The following ALOX15 variants were observed in gnomAD, a reference collection of about 807,000 sequenced individuals.
ALOX15 encodes the protein arachidonate 15-lipoxygenase, also known as polyunsaturated fatty acid lipoxygenase ALOX15.
Under a neutral mutation model 71.7 loss-of-function variants are expected in ALOX15, and 68 were observed. The observed-to-expected ratio is 0.95, with a 90% CI of 0.78 to 1.16. The LOEUF (loss-of-function observed/expected upper bound fraction) is 1.16, where lower values mean the gene tolerates loss of function less well. Ranked by LOEUF, ALOX15 falls within the 50% of genes most tolerant of loss-of-function variation. The pLI is 0.00. For missense variants in ALOX15, 798 were observed against 818.8 expected (o/e 0.97, Z 0.31); for synonymous variants, 346 against 333.3 (o/e 1.04, Z -0.42).
At chr17:4,638,731 C>G in intron 4 of ALOX15, 47 bp from the exon 5 acceptor site, 2 of 1,613,484 alleles carry the variant, frequency 1.2e-6, no homozygotes. Flanking sequence ...TTCTGAGGCT[C>G]TAACATGACG....
chr17:4,632,291 G>T lies in ALOX15; in HGVS notation c.1541-10C>A. On this transcript the variant is annotated splice_polypyrimidine_tract_variant and intron_variant, in intron 11 of 13. Transcript: ENST00000293761. Reference sequence around the variant, plus strand: ...AAAGAGACAGGAAACCCTGCAAGGGGTGAAGAGAGTTAGAAGCTGCGAAGG... The same window carrying T: ...AAAGAGACAGGAAACCCTGCAAGGGTTGAAGAGAGTTAGAAGCTGCGAAGG... 6.2e-7 allele frequency: 1 copy of T among 1,611,980 alleles called. No individual in the cohort carries two copies. The highest frequency in any genetic ancestry group is 1.1e-5 in the South Asian group (1 of 91,042).
rs1290687057 is a variant in ALOX15, at chr17:4,635,932, G to A, written c.988C>T (p.Leu330Phe). 6.2e-7 allele frequency: 1 copy of A among 1,614,040 alleles called. No individual in the cohort carries two copies. Among genetic ancestry groups the A allele is most frequent in the African/African-American group, 1.3e-5 (1 of 74,952 alleles). The change falls in exon 8 of 14, where the codon CTT becomes TTT. Residue 330 changes from leucine to phenylalanine, a missense_variant. Coordinates refer to ENST00000293761, the MANE Select transcript of ALOX15 (RefSeq NM_001140.5). ...ATTGGGGGATCCGTAGGCAAGAAAAGGGGAGGTGGTGGGGATCCTGTGCGG... is the reference window on the plus strand; with the variant it reads ...ATTGGGGGATCCGTAGGCAAGAAAAAGGGAGGTGGTGGGGATCCTGTGCGG... ...LPRTGSPPPPLFLPTDPPMAW... is the reference protein window; with the variant it reads ...LPRTGSPPPPFFLPTDPPMAW...
Position 4,633,263 on chromosome 17 carries a change from G to T in ALOX15, c.1301C>A (p.Ala434Asp). Residue 434 changes from alanine to aspartate, a missense_variant, in exon 10 of 14, where the codon GCC (alanine) becomes GAC (aspartate). Physicochemically the swap from Ala to Asp is moderately radical, Grantham distance 126. Coordinates refer to ENST00000293761, the MANE Select transcript of ALOX15 (RefSeq NM_001140.5). ...GHVQLLKQAG[A>D]FLTYSSFCPP... ...ACAGAAGGAGCTGTAGGTTAGGAAG[G>T]CTCCAGCTTGCTTGAGCAGCTGCAC... The T allele has an allele frequency of 6.2e-7, 1 of 1,614,148 alleles. No individual in the cohort carries two copies.
chr17:4,641,673 CCTT>C lies in ALOX15; in HGVS notation c.-25_-23del. On this transcript the variant is annotated 5_prime_UTR_variant, in exon 1 of 14. Coordinates refer to ENST00000293761, the MANE Select transcript of ALOX15 (RefSeq NM_001140.5). ...CCATCTTGCTCAAAGATGTTTCGCT[CCTT>C]CTGGTGGAGAAGGGTGGACGAGCTA... is the stretch of plus-strand genomic sequence containing the variant. 1 of 1,476,414 alleles carries C rather than the reference CCTT, an allele frequency of 6.8e-7. No individual in the cohort carries two copies. Among genetic ancestry groups the C allele is most frequent in the Non-Finnish European group, 8.9e-7 (1 of 1,118,748 alleles). The allele number at this position is 1,476,414 out of a possible 1,614,324, so 91.5% of individuals were successfully genotyped here. A position where few individuals can be genotyped will look rare whatever the true frequency, so the allele number is the denominator to read the frequency against.
chr17:4,639,176 G>C, intron 2 of ALOX15, 44 bp from the exon 3 acceptor site: 1 of 1,606,408 alleles, frequency 6.2e-7, no homozygotes, highest in East Asian at 2.2e-5. Flanking sequence ...TTTGGTGAGC[G>C]CCTCTTCTTG....
intron 8 of ALOX15, among the ~76,000 whole-genome samples, chr17:4,633,706 G>C (rs981961431): frequency 6.6e-6 from 1 of 152,016 alleles, no homozygotes; most frequent in African/African-American, 2.4e-5. Flanking sequence ...AATATAAATC[G>C]CCTTACTATA....
In ALOX15 at chr17:4,633,454, G is replaced by A; in HGVS notation, c.1208C>T (p.Ala403Val). 1 of 1,614,120 alleles carries A rather than the reference G, an allele frequency of 6.2e-7. No individual in the cohort carries two copies. The highest frequency in any genetic ancestry group is 8.5e-7 in the Non-Finnish European group (1 of 1,180,022). The change falls in exon 9 of 14, where the codon GCC becomes GTC. Residue 403 changes from alanine (A) to valine (V), a missense_variant. Physicochemically the swap from Ala to Val is moderately conservative, Grantham distance 64. This residue lies in a region of ALOX15 where 490 missense variants were observed against 509.4 expected (regional missense o/e 0.96). Transcript: ENST00000293761. Reference sequence around the variant, plus strand: ...CATGTCAGAGACCAGCCCAGTCCTGGCCCGGACGTTAATTTCCAGGGTGTA... The same window carrying A: ...CATGTCAGAGACCAGCCCAGTCCTGACCCGGACGTTAATTTCCAGGGTGTA... ...LRYTLEINVR[A>V]RTGLVSDMGI...
chr17:4,632,345 G>A (rs1277976766), intron 11 of ALOX15, 64 bp from the exon 12 acceptor site: 10 of 1,325,634 alleles, frequency 7.5e-6, no homozygotes, highest in Non-Finnish European at 1.1e-5. Context: ...CAGAGGAAGA[G>A]GCCAAGAGAG....
chr17:4,635,804 A>G lies in ALOX15; in HGVS notation c.1116T>C (p.Val372=). The change falls in exon 8 of 14, where the codon GTT becomes GTC. Residue 372 remains valine (V), a synonymous_variant. Transcript: ENST00000293761. ...LRGHLMAEVI[V]VATMRCLPSI... Reference sequence around the variant, plus strand: ...ACGGCAGGCACCTCATGGTGGCCACAACAATGACCTCAGCCATCAAGTGTC... The same window carrying G: ...ACGGCAGGCACCTCATGGTGGCCACGACAATGACCTCAGCCATCAAGTGTC... 3 of 1,614,234 alleles carry G rather than the reference A, an allele frequency of 1.9e-6. No individual in the cohort carries two copies. Among genetic ancestry groups the G allele is most frequent in the Non-Finnish European group, 2.5e-6 (3 of 1,180,038 alleles).
chr17:4,633,990 T>C (rs1192030085), intron 8 of ALOX15, among the ~76,000 whole-genome samples: 1 of 152,074 alleles, frequency 6.6e-6, no homozygotes, highest in Non-Finnish European at 1.5e-5. Flanking sequence ...TGAGTACACA[T>C]GGACACAAAT....
In ALOX15 at chr17:4,641,571, G is replaced by T. The variant is rs760757064; in HGVS notation, c.81C>A (p.Val27=). 1.2e-6 allele frequency: 2 copies of T among 1,613,556 alleles called. No individual in the cohort carries two copies. Among genetic ancestry groups the T allele is most frequent in the Non-Finnish European group, 1.7e-6 (2 of 1,180,028 alleles). Residue 27 remains valine, a synonymous_variant, in exon 1 of 14, where the codon GTC becomes GTA. Coordinates refer to ENST00000293761, the MANE Select transcript of ALOX15 (RefSeq NM_001140.5). ...CGAGCGCCGCCTCCCCGTGCTGGCC[G>T]ACCAGCCACAGCTGCACCTGGTTGT... is the stretch of plus-strand genomic sequence containing the variant. ...GSNNQVQLWL[V]GQHGEAALGK...
chr17:4,633,296 C>A lies in ALOX15; in HGVS notation c.1268G>T (p.Gly423Val), dbSNP rs760125473. The A allele has an allele frequency of 6.2e-7, 1 of 1,613,964 alleles. No homozygotes were observed. Among genetic ancestry groups the A allele is most frequent in the Admixed American group, 1.7e-5 (1 of 60,018 alleles). ...TTGCTTGAGCAGCTGCACGTGGCCT[C>A]CCCCACCAGTGCTCATTATCTGAGA... Reference protein sequence around the residue: ...IFDQIMSTGGGGHVQLLKQAG... With the variant: ...IFDQIMSTGGVGHVQLLKQAG... Residue 423 changes from glycine to valine, a missense_variant, in exon 10 of 14, where the codon GGA becomes GTA. This residue lies in a region of ALOX15 where 490 missense variants were observed against 509.4 expected (regional missense o/e 0.96). Transcript: ENST00000293761.
At position 4,631,475 on chromosome 17, in the gene ALOX15, G is replaced by T. The variant is rs1269783623; in HGVS notation, c.*125C>A. 1.9e-5 allele frequency: 22 copies of T among 1,157,758 alleles called. No individual in the cohort carries two copies. Among genetic ancestry groups the T allele is most frequent in the Non-Finnish European group, 2.4e-5 (20 of 832,084 alleles). The allele number at this position is 1,157,758 out of a possible 1,614,324, so 71.7% of individuals were successfully genotyped here. The stretch of plus-strand genomic sequence containing the variant: ...CACTGGGTGCAGAGACCATGAAAAG[G>T]TGCCCCTCTAGGGAGGGTGGGACAT... On this transcript the variant is annotated 3_prime_UTR_variant, in exon 14 of 14. Transcript: ENST00000293761.
chr17:4,632,417 A>G (rs1910945452), intron 11 of ALOX15, 136 bp from the exon 12 acceptor site: 1 of 752,502 alleles, frequency 1.3e-6, no homozygotes, highest in Non-Finnish European at 2.2e-6. Context: ...AATTACCATG[A>G]CAGCAGGTTG....
Position 4,632,037 on chromosome 17 carries a change from ACCCAAGAGTACCAGT to A in ALOX15, c.1646_1660del (p.Asp549_Trp553del), listed in dbSNP as rs1483779875. On this transcript the variant is annotated inframe_deletion, in exon 13 of 14. Transcript: ENST00000293761. ...CCGCATCGTGCAGGGTGCATTAGGCACCCAAGAGTACCAGTCCAGCTAAGGAAGGGCAGGGATCCA... is the reference window on the plus strand; with the variant it reads ...CCGCATCGTGCAGGGTGCATTAGGCACCAGCTAAGGAAGGGCAGGGATCCA... 1.2e-6 allele frequency: 2 copies of A among 1,612,046 alleles called. No homozygotes were observed. The highest frequency in any genetic ancestry group is 1.7e-5 in the Admixed American group (1 of 59,880).
intron 7 of ALOX15, 29 bp downstream of exon 7, chr17:4,637,086 C>T: frequency 6.3e-7 from 1 of 1,589,730 alleles, no homozygotes; most frequent in Non-Finnish European, 8.6e-7. Context: ...AAGCCAGAGA[C>T]TGGGAGCAGA....
In ALOX15 at chr17:4,632,870, G is replaced by C. The variant is rs201039064; in HGVS notation, c.1531C>G (p.Gln511Glu). 6.2e-7 allele frequency: 1 copy of C among 1,614,096 alleles called. No individual in the cohort carries two copies. Among genetic ancestry groups the C allele is most frequent in the East Asian group, 2.2e-5 (1 of 44,880 alleles). Residue 511 changes from glutamine (Q) to glutamate (E), a missense_variant, in exon 11 of 14, where the codon CAG becomes GAG. Physicochemically the swap from Gln to Glu is conservative, Grantham distance 29. Around this residue, in one of 3 missense-constraint regions of ALOX15, gnomAD observed 490 missense variants for 509.4 expected, o/e 0.96. Coordinates refer to ENST00000293761, the MANE Select transcript of ALOX15 (RefSeq NM_001140.5). Reference protein sequence around the residue: ...EITEIGLQGAQDRGFPVSLQA... With the variant: ...EITEIGLQGAEDRGFPVSLQA... The stretch of plus-strand genomic sequence containing the variant: ...CAGGGGCTCCTCTTACCTCGGTCCT[G>C]GGCCCCTTGCAGCCCGATTTCAGTG...
intron 10 of ALOX15, 74 bp from the exon 11 acceptor site, chr17:4,633,056 C>CAG: frequency 1.2e-6 from 2 of 1,611,292 alleles, no homozygotes; most frequent in Non-Finnish European, 1.7e-6. Flanking sequence ...GTCAGGGCCC[C>CAG]AGGCCCCCAA....
At chr17:4,640,633 TC>T (rs1555550093) in intron 1 of ALOX15, among the ~76,000 whole-genome samples, 1 of 29,370 alleles carries the variant, frequency 3.4e-5, no homozygotes, top group Admixed American at 4.6e-4. Flanking sequence ...GTGCGCATTT[TC>T]TCTCTTCCTG....
Sources: allele counts gnomAD v4.1 joint callset (sites outside exome capture counted in the v4.1 genomes callset), GRCh38; gene constraint gnomAD v4.1.1; regional missense constraint gnomAD v4.1.1; transcripts MANE v1.5; gene names NCBI Gene and HGNC (gene_info 2026-07-23, HGNC 2026-07-21).